The following VWC2L variants were observed in gnomAD, a reference collection of about 807,000 sequenced individuals.
VWC2L encodes the protein von Willebrand factor C domain-containing protein 2-like.
Under a neutral mutation model 21.6 loss-of-function variants are expected in VWC2L, and 10 were observed. That is an observed-to-expected ratio of 0.46 (90% CI 0.29 to 0.78). The LOEUF (loss-of-function observed/expected upper bound fraction) is 0.78. Among genes scored for constraint, VWC2L ranks in the 30% least tolerant of loss-of-function variants. The pLI, the probability that VWC2L is intolerant of heterozygous loss-of-function variation, is 0.10. For missense variants in VWC2L, 209 were observed against 277.1 expected, an observed-to-expected ratio of 0.75 and a Z score of 1.74; for synonymous variants, 96 against 94.3, an observed-to-expected ratio of 1.02 and a Z score of -0.10.
At chr2:214,531,580 C>A (rs954021726) in intron 3 of VWC2L, among the ~76,000 whole-genome samples, 1 of 152,158 alleles carries the variant, frequency 6.6e-6, no homozygotes, top group East Asian at 1.9e-4. Flanking sequence ...GCTCTTCAGT[C>A]GGCAGATGTC....
At chr2:214,421,864 A>AT (rs1265857214) in intron 2 of VWC2L, among the ~76,000 whole-genome samples, 1 of 129,956 alleles carries the variant, frequency 7.7e-6, no homozygotes, top group South Asian at 2.4e-4. Flanking sequence ...AACAAGCATA[A>AT]TTTTTTTCTA....
intron 3 of VWC2L, among the ~76,000 whole-genome samples, chr2:214,477,715 C>G (rs1361582808): frequency 6.6e-6 from 1 of 152,212 alleles, no homozygotes; most frequent in Non-Finnish European, 1.5e-5. Context: ...AGAATTTGAA[C>G]CTAGTCAGGC....
chr2:214,439,765 A>T (rs754954920), intron 3 of VWC2L, among the ~76,000 whole-genome samples: 12 of 151,866 alleles, frequency 7.9e-5, no homozygotes, highest in Non-Finnish European at 1.5e-4. Context: ...ACCTAACCTT[A>T]TAACTCAACA....
chr2:214,441,764 A>AAAATAAAG (rs1388055280), intron 3 of VWC2L, among the ~76,000 whole-genome samples: 2 of 152,050 alleles, frequency 1.3e-5, no homozygotes, highest in Non-Finnish European at 2.9e-5. Flanking sequence ...ACTGCCATGT[A>AAAATAAAG]AAATAAAGCA....
At chr2:214,443,942 T>C (rs1489644540) in intron 3 of VWC2L, among the ~76,000 whole-genome samples, 2 of 151,976 alleles carry the variant, frequency 1.3e-5, no homozygotes, top group African/African-American at 2.4e-5. Flanking sequence ...CCCAAGAAAA[T>C]TGACAAAAAC....
chr2:214,544,032 A>G (rs535460006), intron 3 of VWC2L, among the ~76,000 whole-genome samples: 1 of 152,338 alleles, frequency 6.6e-6, no homozygotes, highest in African/African-American at 2.4e-5. Context: ...TATGGGGACA[A>G]AAACACAGAA....
intron 3 of VWC2L, among the ~76,000 whole-genome samples, chr2:214,500,824 A>C (rs893872534): frequency 1.3e-5 from 2 of 152,188 alleles, no homozygotes; most frequent in Non-Finnish European, 2.9e-5. Flanking sequence ...TCCATTCTCT[A>C]ACCAATGAGT....
At chr2:214,527,939 A>AT (rs758199736) in intron 3 of VWC2L, among the ~76,000 whole-genome samples, 2 of 152,228 alleles carry the variant, frequency 1.3e-5, no homozygotes, top group Non-Finnish European at 2.9e-5. Flanking sequence ...GTAAGCTGAG[A>AT]TAAAAATTAG....
chr2:214,428,814 C>CAAA (rs11431112), intron 2 of VWC2L, among the ~76,000 whole-genome samples: 47 of 98,298 alleles, frequency 4.8e-4, no homozygotes, highest in East Asian at 4.0e-3. Flanking sequence ...CAGACAGTGG[C>CAAA]AAAAAAAAAA....
chr2:214,425,622 G>A (rs983309586), intron 2 of VWC2L, among the ~76,000 whole-genome samples: 3 of 152,076 alleles, frequency 2.0e-5, no homozygotes, highest in Non-Finnish European at 4.4e-5. Flanking sequence ...GTGAAAACAT[G>A]TATACATTAT....
At chr2:214,452,650 T>G (rs1304542301) in intron 3 of VWC2L, among the ~76,000 whole-genome samples, 1 of 151,968 alleles carries the variant, frequency 6.6e-6, no homozygotes. Flanking sequence ...TATACGTAAC[T>G]TTTTTTTAAT....
At position 214,547,655 on chromosome 2, in the gene VWC2L, G is replaced by C. The variant is rs115866658; in HGVS notation, c.521-28017G>C. 1.7e-3 allele frequency among the ~76,000 whole-genome samples: 256 copies of C among 152,264 alleles called. 1 individual carries two copies. The highest frequency in any genetic ancestry group is 6.1e-3 in the Admixed American group (94 of 15,290). On this transcript the variant is annotated intron_variant, in intron 3 of 3. Transcript: ENST00000312504. ...GCAAAACTCACTGAAATTATATCTAGCTTTCTCCCTCAGTGACAGGATTCA... is the reference window on the plus strand; with the variant it reads ...GCAAAACTCACTGAAATTATATCTACCTTTCTCCCTCAGTGACAGGATTCA...
chr2:214,566,855 T>C (rs1690069745), intron 3 of VWC2L, among the ~76,000 whole-genome samples: 1 of 152,168 alleles, frequency 6.6e-6, no homozygotes, highest in African/African-American at 2.4e-5. Flanking sequence ...CTACACCTGA[T>C]CAGAAATCCT....
At chr2:214,519,107 G>A (rs1382285218) in intron 3 of VWC2L, among the ~76,000 whole-genome samples, 2 of 152,184 alleles carry the variant, frequency 1.3e-5, no homozygotes, top group Non-Finnish European at 2.9e-5. Context: ...AAGACATGCT[G>A]CTTTAGTCAT....
chr2:214,420,722 A>T (rs557976639), intron 2 of VWC2L, among the ~76,000 whole-genome samples: 57 of 152,216 alleles, frequency 3.7e-4, no homozygotes, highest in Non-Finnish European at 6.6e-4. Context: ...TTAAGATACT[A>T]TCCCAAGAAA....
intron 3 of VWC2L, among the ~76,000 whole-genome samples, chr2:214,444,846 A>G (rs2126182095): frequency 6.6e-6 from 1 of 152,140 alleles, no homozygotes; most frequent in African/African-American, 2.4e-5. Context: ...CCGATTATAT[A>G]AAAAGATAAA....
In VWC2L at chr2:214,416,905, A is replaced by ATTCC. The variant is rs375027548; in HGVS notation, c.390+2322_390+2323insTTCC. On this transcript the variant is annotated intron_variant, in intron 2 of 3. Transcript: ENST00000312504. ...ATAAATGATTGTCCCCTCCTTCTTA[A>ATTCC]CTCTAATATCCAGGGATTTACTCTA... is the stretch of plus-strand genomic sequence containing the variant. 8.0e-3 allele frequency among the ~76,000 whole-genome samples: 1,212 copies of ATTCC among 152,176 alleles called. 16 individuals are homozygous for ATTCC. Among genetic ancestry groups the ATTCC allele is most frequent in the African/African-American group, 0.026 (1,094 of 41,548 alleles).
intron 3 of VWC2L, among the ~76,000 whole-genome samples, chr2:214,520,118 G>A (rs1452592626): frequency 6.8e-6 from 1 of 147,710 alleles, no homozygotes; most frequent in Non-Finnish European, 1.5e-5. Flanking sequence ...GTTTACATAG[G>A]TCCATTTCTC....
chr2:214,541,957 T>A (rs1364530551), intron 3 of VWC2L, among the ~76,000 whole-genome samples: 1 of 151,684 alleles, frequency 6.6e-6, no homozygotes, highest in East Asian at 2.0e-4. Context: ...TAATTCAGAA[T>A]AATAAACAGC....
Sources: gnomAD v4.1 joint callset for allele counts (sites outside exome capture counted in the v4.1 genomes callset) on GRCh38, gnomAD v4.1.1 for gene constraint, MANE v1.5 for transcripts, NCBI Gene and HGNC (gene_info 2026-07-23, HGNC 2026-07-21) for gene names.